SFMBT2: variants seen among roughly 807,000 people sequenced by gnomAD.
SFMBT2 encodes Scm like with four mbt domains 2, also known as scm-like with four MBT domains protein 2.
Under a neutral mutation model 110.1 loss-of-function variants are expected in SFMBT2, and 38 were observed. The ratio of observed to expected loss-of-function variants is 0.35; its 90% confidence interval spans 0.27 to 0.45. SFMBT2 has a LOEUF of 0.45. Among genes scored for constraint, SFMBT2 ranks in the 20% least tolerant of loss-of-function variants. The pLI is 1.00. For synonymous variants in SFMBT2, 425 were observed against 425.4 expected (o/e 1.00, Z 0.01); for missense variants, 1,011 against 1,094.9 (o/e 0.92, Z 1.08).
rs571787636 is a variant in SFMBT2 at position 7,243,673 on chromosome 10, A to G, written c.1005T>C (p.Ile335=). The part of the protein sequence containing the change: ...VFNNHFFQVT[I]DDLRPEPSKL... ...TACTTGGTTCAGGTCTTAGGTCATC[A>G]ATAGTCACTTGAAAAAAGTGATTGT... is the stretch of plus-strand genomic sequence containing the variant. The change falls in exon 9 of 21, where the codon ATT becomes ATC. Residue 335 remains isoleucine, a synonymous_variant. Coordinates refer to ENST00000397167, the MANE Select transcript of SFMBT2 (RefSeq NM_001387889.1). 30 of 872,716 alleles carry G rather than the reference A, an allele frequency of 3.4e-5. No homozygotes were observed. The East Asian group carries it at 7.0e-4, about 20-fold the overall frequency. 54.1% of individuals were successfully genotyped at this position (872,716 alleles called of 1,614,324 possible).
intron 1 of SFMBT2, among the ~76,000 whole-genome samples, chr10:7,382,472 T>G (rs1845451601): frequency 6.6e-6 from 1 of 152,072 alleles, no homozygotes; most frequent in South Asian, 2.1e-4. Context: ...AGGTCAACAA[T>G]AAAGGTCTCG....
At chr10:7,181,400 C>T (rs1225769465) in intron 16 of SFMBT2, among the ~76,000 whole-genome samples, 5 of 152,088 alleles carry the variant, frequency 3.3e-5, no homozygotes, top group Non-Finnish European at 1.5e-5. Context: ...TGGTCCCAAG[C>T]AATTGGAATA....
chr10:7,407,630 T>A (rs115680791), intron 1 of SFMBT2, among the ~76,000 whole-genome samples: 1,622 of 152,198 alleles, frequency 0.011, 12 homozygotes, highest in Non-Finnish European at 0.016. Context: ...CGGCCGATCG[T>A]CAGGGCCACG....
At chr10:7,392,544 T>C (rs1330471034) in intron 1 of SFMBT2, among the ~76,000 whole-genome samples, 1 of 152,158 alleles carries the variant, frequency 6.6e-6, no homozygotes, top group African/African-American at 2.4e-5. Flanking sequence ...ATCCTGCCAC[T>C]GTAATTTGTA....
chr10:7,159,850 G>T lies in SFMBT2; in HGVS notation c.*3920C>A, dbSNP rs1837505531. 1 of 152,096 alleles carries T rather than the reference G, an allele frequency of 6.6e-6. No individual in the cohort carries two copies. The highest frequency in any genetic ancestry group is 1.5e-5 in the Non-Finnish European group (1 of 68,020). The allele number at this position is 152,096 out of a possible 1,614,324, so 9.4% of individuals were successfully genotyped here. A position where few individuals can be genotyped will look rare whatever the true frequency, so the allele number is the denominator to read the frequency against. ...CCTAGTACTTCTAAAACTAAGCGGG[G>T]ACAGCTCTTAGAAAGGGGTGTTTGG... On this transcript the variant is annotated 3_prime_UTR_variant, in exon 21 of 21. Transcript: ENST00000397167.
chr10:7,281,851 T>C (rs1377021624), intron 6 of SFMBT2, among the ~76,000 whole-genome samples: 1 of 152,188 alleles, frequency 6.6e-6, no homozygotes, highest in Non-Finnish European at 1.5e-5. Context: ...AATCTTTTTT[T>C]TGTTTGTTTG....
At chr10:7,322,167 T>G (rs1400801229) in intron 4 of SFMBT2, among the ~76,000 whole-genome samples, 1 of 152,204 alleles carries the variant, frequency 6.6e-6, no homozygotes, top group African/African-American at 2.4e-5. Context: ...TCCTATTCTG[T>G]TCTACTGATG....
chr10:7,349,793 T>G (rs1298795683), intron 4 of SFMBT2, among the ~76,000 whole-genome samples: 1 of 152,066 alleles, frequency 6.6e-6, no homozygotes, highest in Non-Finnish European at 1.5e-5. Context: ...CCTCTTGCCT[T>G]CCTAAGACCC....
chr10:7,346,993 A>G (rs957486150), intron 4 of SFMBT2, among the ~76,000 whole-genome samples: 7 of 120,624 alleles, frequency 5.8e-5, no homozygotes, highest in African/African-American at 2.2e-4. Context: ...CTGTCTCAAA[A>G]CAAAACAAAA....
chr10:7,210,112 T>C (rs1378892967), intron 11 of SFMBT2, among the ~76,000 whole-genome samples: 1 of 140,728 alleles, frequency 7.1e-6, no homozygotes, highest in East Asian at 1.9e-4. Flanking sequence ...TGCAGCTTGC[T>C]ACCCCCTTGT....
At chr10:7,399,017 C>G (rs1845999425) in intron 1 of SFMBT2, among the ~76,000 whole-genome samples, 1 of 152,188 alleles carries the variant, frequency 6.6e-6, no homozygotes, top group East Asian at 1.9e-4. Context: ...AGCAATGATG[C>G]TTGAGAGGTG....
chr10:7,384,620 G>A (rs1231490647), intron 1 of SFMBT2, among the ~76,000 whole-genome samples: 1 of 152,218 alleles, frequency 6.6e-6, no homozygotes, highest in East Asian at 1.9e-4. Context: ...GACACTAAAT[G>A]AAGGAACCTT....
chr10:7,241,414 G>A (rs1840426217), intron 9 of SFMBT2: 2 of 794,928 alleles, frequency 2.5e-6, no homozygotes, highest in Middle Eastern at 6.4e-4. Context: ...TGTGTAGTAT[G>A]TATTTGCATA....
At chr10:7,245,044 C>T (rs2762622) in intron 8 of SFMBT2, among the ~76,000 whole-genome samples, 4,377 of 152,170 alleles carry the variant, frequency 0.029, 93 homozygotes, top group African/African-American at 0.053. Context: ...AACTGATGCA[C>T]GGCGATCTGG....
Position 7,213,447 on chromosome 10 carries a change from A to C in SFMBT2, c.1330+6964T>G, listed in dbSNP as rs1015803636. 2.0e-5 allele frequency among the ~76,000 whole-genome samples: 3 copies of C among 152,042 alleles called. No individual in the cohort carries two copies. In the East Asian group the frequency reaches 5.8e-4, roughly 29 times the overall value. ...AGAGGACAGGCGGAGGTCCGGACTG[A>C]AGTGACTCATGGGTTGTGGGGGTGG... On this transcript the variant is annotated intron_variant, in intron 11 of 20. Transcript: ENST00000397167.
intron 7 of SFMBT2, chr10:7,249,652 T>C: frequency 6.6e-6 from 4 of 610,394 alleles, no homozygotes; most frequent in Non-Finnish European, 8.2e-6. Context: ...TATATCCAAC[T>C]CTGAGGACTG....
At chr10:7,309,183 A>G (rs1842779996) in intron 4 of SFMBT2, among the ~76,000 whole-genome samples, 1 of 152,260 alleles carries the variant, frequency 6.6e-6, no homozygotes, top group Non-Finnish European at 1.5e-5. Flanking sequence ...GAAGAACTGC[A>G]TAGAACAAAG....
intron 7 of SFMBT2, chr10:7,249,469 T>C: frequency 1.0e-6 from 1 of 964,368 alleles, no homozygotes; most frequent in Non-Finnish European, 1.2e-6. Flanking sequence ...TAAACAGCAG[T>C]GGATAAATGA....
intron 4 of SFMBT2, among the ~76,000 whole-genome samples, chr10:7,315,056 G>GAAAGAA (rs1554802867): frequency 1.1e-4 from 15 of 132,470 alleles, no homozygotes; most frequent in Non-Finnish European, 2.5e-4. Context: ...AAGAAAGAAA[G>GAAAGAA]AAAGAAAGAA....
Sources: gnomAD v4.1 joint callset for allele counts (sites outside exome capture counted in the v4.1 genomes callset) on GRCh38, gnomAD v4.1.1 for gene constraint, MANE v1.5 for transcripts, NCBI Gene and HGNC (gene_info 2026-07-23, HGNC 2026-07-21) for gene names.